NLGN1: variants seen among roughly 807,000 people sequenced by gnomAD.
NLGN1 encodes neuroligin-1.
Under a neutral mutation model 65.5 loss-of-function variants are expected in NLGN1, and 12 were observed. The observed-to-expected ratio is 0.18, with a 90% CI of 0.12 to 0.30. The LOEUF (loss-of-function observed/expected upper bound fraction) is 0.30, where lower values mean the gene tolerates loss of function less well. NLGN1 is among the 10% of genes least tolerant of loss of function. The pLI is 1.00. For synonymous variants in NLGN1, 350 were observed against 359.5 expected, an observed-to-expected ratio of 0.97 and a Z score of 0.30; for missense variants, 750 against 1,007.1, an observed-to-expected ratio of 0.74 and a Z score of 3.46.
rs192943162 is a variant in NLGN1, at chr3:173,821,341, A to C, written c.646+13509A>C. Among the ~76,000 whole-genome samples the C allele has an allele frequency of 7.4e-4, 112 of 152,294 alleles. 1 individual carries two copies. The highest frequency in any genetic ancestry group is 3.4e-3 in the Middle Eastern group (1 of 292). On this transcript the variant is annotated intron_variant, in intron 4 of 6. Transcript: ENST00000457714. ...GCTCAAACAGAAGTAAGTTATTAAA[A>C]ACATTCTTTGTGGTAATATCACCAT...
chr3:174,195,681 G>GCT (rs1272444416), intron 4 of NLGN1, among the ~76,000 whole-genome samples: 1 of 152,094 alleles, frequency 6.6e-6, no homozygotes, highest in Non-Finnish European at 1.5e-5. Flanking sequence ...ATATTATCTT[G>GCT]CTGCTACATG....
intron 1 of NLGN1, among the ~76,000 whole-genome samples, chr3:173,414,908 A>T (rs1430805208): frequency 2.0e-5 from 3 of 152,174 alleles, no homozygotes; most frequent in Non-Finnish European, 4.4e-5. Context: ...AGGCCCTAAG[A>T]TGTCCACATA....
chr3:174,118,054 T>C (rs1716919372), intron 4 of NLGN1, among the ~76,000 whole-genome samples: 1 of 152,234 alleles, frequency 6.6e-6, no homozygotes, highest in African/African-American at 2.4e-5. Flanking sequence ...TTATTTGTTG[T>C]TGATTTTTCA....
chr3:173,518,324 C>T (rs1245600667), intron 2 of NLGN1, among the ~76,000 whole-genome samples: 3 of 151,038 alleles, frequency 2.0e-5, no homozygotes, highest in Non-Finnish European at 2.9e-5. Flanking sequence ...ATGCTTTGCT[C>T]ATTATTTTTC....
intron 4 of NLGN1, among the ~76,000 whole-genome samples, chr3:174,231,454 G>A (rs1367355313): frequency 6.6e-6 from 1 of 152,130 alleles, no homozygotes; most frequent in East Asian, 1.9e-4. Context: ...ATGTACGGTC[G>A]CTGGGATTGC....
intron 4 of NLGN1, among the ~76,000 whole-genome samples, chr3:173,945,871 A>G (rs1747049151): frequency 1.3e-5 from 2 of 152,238 alleles, no homozygotes; most frequent in South Asian, 4.1e-4. Context: ...AAGGACAAGG[A>G]TGAGTTGCAA....
intron 4 of NLGN1, among the ~76,000 whole-genome samples, chr3:174,260,096 G>C (rs971828149): frequency 2.0e-5 from 3 of 151,950 alleles, no homozygotes; most frequent in Non-Finnish European, 4.4e-5. Flanking sequence ...GTTGGACATT[G>C]GGGTTGGTTC....
At chr3:174,177,201 T>A (rs1476088190) in intron 4 of NLGN1, among the ~76,000 whole-genome samples, 1 of 152,078 alleles carries the variant, frequency 6.6e-6, no homozygotes, top group African/African-American at 2.4e-5. Flanking sequence ...TATTAAAATA[T>A]TCATGGAAAA....
intron 3 of NLGN1, among the ~76,000 whole-genome samples, chr3:173,638,206 G>A (rs199504705): frequency 1.4e-5 from 2 of 144,058 alleles, no homozygotes; most frequent in South Asian, 4.4e-4. Context: ...TTTTTTTTAT[G>A]TAGCCATAAA....
At chr3:174,286,951 C>G (rs915912652), downstream of NLGN1, among the ~76,000 whole-genome samples, 1 of 151,446 alleles carries the variant, frequency 6.6e-6, no homozygotes, top group African/African-American at 2.4e-5. Flanking sequence ...GGAAGAAAAA[C>G]TTCTCAATTT....
chr3:173,832,014 A>T (rs1325941531), intron 4 of NLGN1, among the ~76,000 whole-genome samples: 2 of 150,714 alleles, frequency 1.3e-5, no homozygotes, highest in East Asian at 3.9e-4. Flanking sequence ...CTGCTGTGTG[A>T]TGGTGCAATT....
intron 2 of NLGN1, among the ~76,000 whole-genome samples, chr3:173,565,523 T>C (rs1380555957): frequency 6.6e-6 from 1 of 152,160 alleles, no homozygotes; most frequent in Non-Finnish European, 1.5e-5. Context: ...CTACTTCTAA[T>C]AATTATGATG....
intron 4 of NLGN1, among the ~76,000 whole-genome samples, chr3:173,853,531 GTGTC>G (rs1727374974): frequency 6.6e-6 from 1 of 152,054 alleles, no homozygotes; most frequent in Non-Finnish European, 1.5e-5. Context: ...AGTACCCAAA[GTGTC>G]TGGTAACACT....
At chr3:173,696,616 C>T (rs761271763) in intron 3 of NLGN1, among the ~76,000 whole-genome samples, 1 of 152,136 alleles carries the variant, frequency 6.6e-6, no homozygotes. Context: ...GAAGAGAGCA[C>T]TGGGAAGACA....
intron 4 of NLGN1, among the ~76,000 whole-genome samples, chr3:174,086,201 G>GCACATATATATTTATGTA (rs1743207261): frequency 3.6e-5 from 1 of 27,630 alleles, no homozygotes. Context: ...GTGTGTGTGT[G>GCACATATATATTTATGTA]TGTGCGTGTG....
intron 2 of NLGN1, among the ~76,000 whole-genome samples, chr3:173,472,978 A>G (rs1377296060): frequency 1.3e-5 from 2 of 152,196 alleles, no homozygotes; most frequent in Non-Finnish European, 2.9e-5. Flanking sequence ...GAAGCACAGT[A>G]TCTCAGAGAT....
intron 2 of NLGN1, among the ~76,000 whole-genome samples, chr3:173,484,869 T>G (rs1372240917): frequency 6.6e-6 from 1 of 152,050 alleles, no homozygotes. Context: ...GTGGACCAAA[T>G]GGCTTGTCTT....
rs138288704 is a variant in NLGN1 at position 173,419,775 on chromosome 3, C to G, written c.-389-15235C>G. ...CAAGAGGTCAAGAGATCAAGACCAT[C>G]CTGGCCAACATGGTGAAACCCCATC... On this transcript the variant is annotated intron_variant, in intron 1 of 6. Transcript: ENST00000457714. Among the ~76,000 whole-genome samples, 41 of 152,164 alleles carry G rather than the reference C, an allele frequency of 2.7e-4. No homozygotes were observed. The East Asian group carries it at 7.2e-3, about 27-fold the overall frequency.
chr3:173,528,084 G>A (rs1047943074), intron 2 of NLGN1, among the ~76,000 whole-genome samples: 3 of 152,146 alleles, frequency 2.0e-5, no homozygotes, highest in Non-Finnish European at 1.5e-5. Context: ...CTTTTATGAC[G>A]ATGAGTATTG....
Sources: gnomAD v4.1 joint callset for allele counts (sites outside exome capture counted in the v4.1 genomes callset) on GRCh38, gnomAD v4.1.1 for gene constraint, MANE v1.5 for transcripts, NCBI Gene and HGNC (gene_info 2026-07-23, HGNC 2026-07-21) for gene names.